Variants in ZNF568 observed in about 807,000 individuals in gnomAD.
ZNF568 encodes the protein p53 inhibitor of SCO2 activation.
In ZNF568, 11 loss-of-function variants were observed where a neutral mutation model predicts 18.1. That is an observed-to-expected ratio of 0.61 (90% CI 0.38 to 1.00). The LOEUF is 1.00. Ranked by LOEUF, ZNF568 falls within the 50% of genes least tolerant of loss-of-function variation. The pLI is 0.01. For missense variants in ZNF568, 639 were observed against 768.2 expected (o/e 0.83, Z 1.99); for synonymous variants, 213 against 246.6 (o/e 0.86, Z 1.28).
At chr19:36,946,816 C>T (rs1280274342) in intron 6 of ZNF568, among the ~76,000 whole-genome samples, 2 of 151,350 alleles carry the variant, frequency 1.3e-5, no homozygotes, top group Non-Finnish European at 2.9e-5. Context: ...CCACACCCAA[C>T]TAATTTTGTA....
chr19:36,946,871 C>T (rs540309371), intron 6 of ZNF568, among the ~76,000 whole-genome samples: 155 of 151,956 alleles, frequency 1.0e-3, no homozygotes, highest in African/African-American at 3.6e-3. Context: ...AGGCTGAACT[C>T]CCAACCTCTG....
chr19:36,990,550 G>A (rs1311925754), intron 2 of ZNF568, among the ~76,000 whole-genome samples: 1 of 152,204 alleles, frequency 6.6e-6, no homozygotes, highest in East Asian at 1.9e-4. Context: ...GGGAGACAGA[G>A]GTAGCAGTGA....
intron 2 of ZNF568, among the ~76,000 whole-genome samples, chr19:36,990,677 A>G (rs1275593925): frequency 6.6e-6 from 1 of 152,206 alleles, no homozygotes; most frequent in Non-Finnish European, 1.5e-5. Context: ...ACCTTTAGAA[A>G]ACTTCTCCAA....
At chr19:36,943,739 T>C (rs1018031186) in intron 6 of ZNF568, among the ~76,000 whole-genome samples, 1 of 151,900 alleles carries the variant, frequency 6.6e-6, no homozygotes, top group African/African-American at 2.4e-5. Flanking sequence ...ACACCTGTAA[T>C]TTTTGTATTT....
chr19:36,979,984 C>T (rs1233334695), downstream of ZNF568: 1 of 151,982 alleles, frequency 6.6e-6, no homozygotes, highest in Non-Finnish European at 1.5e-5. Context: ...GAGCCCCCCA[C>T]CCCCGCAACT....
rs1377148419 is a variant in ZNF568 at position 36,949,863 on chromosome 19, T to G, written c.710T>G (p.Leu237Arg). 2 of 1,613,872 alleles carry G rather than the reference T, an allele frequency of 1.2e-6. No individual in the cohort carries two copies. Among genetic ancestry groups the G allele is most frequent in the Non-Finnish European group, 1.7e-6 (2 of 1,179,956 alleles). ...CGQDFSHKFD[L>R]IRHERIHAGE... The stretch of plus-strand genomic sequence containing the variant: ...CAAGACTTCAGTCATAAATTTGACC[T>G]CATTAGACATGAGCGAATTCATGCT... The change falls in exon 7 of 7, where the codon CTC becomes CGC. Residue 237 changes from leucine (L) to arginine (R), a missense_variant. Leu to Arg is a moderately radical substitution (Grantham distance 102). Coordinates refer to ENST00000333987, the MANE Select transcript of ZNF568 (RefSeq NM_198539.4).
chr19:36,980,014 A>G (rs1470051294), downstream of ZNF568: 1 of 151,610 alleles, frequency 6.6e-6, no homozygotes, highest in East Asian at 1.9e-4. Context: ...ATTGGCATTC[A>G]TGTTTTCTCT....
At position 36,951,164 on chromosome 19, in the gene ZNF568, T is replaced by C. The variant is rs2074054610; in HGVS notation, c.*76T>C. On this transcript the variant is annotated 3_prime_UTR_variant, in exon 7 of 7. Transcript: ENST00000333987. ...GCATAAGCTCAAAAAAGCCAGGATC[T>C]TTATGGAAAAATTTTAATACTTTGT... The C allele has an allele frequency of 7.1e-7, 1 of 1,404,504 alleles. No individual in the cohort carries two copies. The highest frequency in any genetic ancestry group is 1.7e-5 in the South Asian group (1 of 59,290). The allele number at this position is 1,404,504 out of a possible 1,614,324, so 87.0% of individuals were successfully genotyped here.
downstream of ZNF568, chr19:36,997,457 G>A (rs2074488218): frequency 6.3e-7 from 1 of 1,587,206 alleles, no homozygotes; most frequent in Non-Finnish European, 8.5e-7. Flanking sequence ...ACTGGGGAGA[G>A]ACCCCATAAG....
chr19:36,919,284 A>AG (rs138716178), intron 2 of ZNF568, among the ~76,000 whole-genome samples: 1,985 of 152,164 alleles, frequency 0.013, 45 homozygotes, highest in African/African-American at 0.045. Context: ...GTTTATGTTG[A>AG]GGGGGGTGGG....
At chr19:36,957,216 GTTCTTT>G (rs2074113963), downstream of ZNF568, among the ~76,000 whole-genome samples, 6 of 84,326 alleles carry the variant, frequency 7.1e-5, no homozygotes, top group Admixed American at 4.8e-4. Context: ...TTTCCAGACT[GTTCTTT>G]TTTTTTTTTT....
intron 3 of ZNF568, chr19:36,991,739 G>C: frequency 6.4e-7 from 1 of 1,553,152 alleles, no homozygotes. Context: ...TGTTCCCTTT[G>C]TTTTTGAGCA....
intron 4 of ZNF568, among the ~76,000 whole-genome samples, chr19:36,927,896 TATA>T (rs2073603839): frequency 3.0e-5 from 1 of 33,828 alleles, no homozygotes; most frequent in Non-Finnish European, 5.7e-5. Flanking sequence ...ATTATATATA[TATA>T]TATATTTTTT....
chr19:36,991,829 C>G, exon 4 of ZNF568: 4 of 1,574,366 alleles, frequency 2.5e-6, no homozygotes, highest in Non-Finnish European at 3.4e-6. Flanking sequence ...AGGAAGGAGA[C>G]AAAAGAATGG....
downstream of ZNF568, among the ~76,000 whole-genome samples, chr19:36,955,879 C>G (rs866843072): frequency 6.6e-6 from 1 of 151,898 alleles, no homozygotes; most frequent in East Asian, 1.9e-4. Context: ...ACTGGCTGGC[C>G]GGTGGACCAT....
intron 2 of ZNF568, among the ~76,000 whole-genome samples, chr19:36,922,160 G>T (rs946493598): frequency 1.4e-4 from 22 of 152,170 alleles, no homozygotes; most frequent in African/African-American, 4.8e-4. Flanking sequence ...TTGGGCTTGG[G>T]TATCTCATGA....
At chr19:36,929,059 G>C (rs904718054) in intron 4 of ZNF568, among the ~76,000 whole-genome samples, 2 of 151,990 alleles carry the variant, frequency 1.3e-5, no homozygotes, top group Non-Finnish European at 2.9e-5. Context: ...ATAAAAGAAT[G>C]TCATGTGCCA....
chr19:36,934,476 A>G (rs1158520548), intron 4 of ZNF568, among the ~76,000 whole-genome samples: 1 of 150,528 alleles, frequency 6.6e-6, no homozygotes, highest in Non-Finnish European at 1.5e-5. Context: ...ATACACCACC[A>G]CGCCCTACTA....
chr19:36,990,479 G>A lies in ZNF568; in HGVS notation c.10-697G>A, dbSNP rs1187042408. 3.9e-5 allele frequency among the ~76,000 whole-genome samples: 6 copies of A among 152,178 alleles called. No individual in the cohort carries two copies. The South Asian group carries it at 8.3e-4, about 21-fold the overall frequency. On this transcript the variant is annotated intron_variant, in intron 2 of 4. Transcript: ENST00000433993. ...AAAATACAAAAATTAGCCAGATGTG[G>A]TGGCCCATGCCTGTGGTCCCAGCTA...
Sources: allele counts gnomAD v4.1 joint callset (sites outside exome capture counted in the v4.1 genomes callset), GRCh38; gene constraint gnomAD v4.1.1; transcripts MANE v1.5; gene names NCBI Gene and HGNC (gene_info 2026-07-23, HGNC 2026-07-21).